TNR: variants seen among roughly 807,000 people sequenced by gnomAD.
TNR encodes tenascin R.
TNR carries 45 observed loss-of-function variants against 150.4 expected under a neutral mutation model. That is an observed-to-expected ratio of 0.30 (90% CI 0.24 to 0.38). The LOEUF is 0.38. Among genes scored for constraint, TNR ranks in the 10% least tolerant of loss-of-function variants. The probability of loss-of-function intolerance (pLI) is 1.00; values close to 1 mark genes in which losing one functional copy is unlikely to be tolerated. For synonymous variants in TNR, 687 were observed against 678.4 expected (o/e 1.01, Z -0.20); for missense variants, 1,544 against 1,759.1 (o/e 0.88, Z 2.19).
At chr1:175,568,119 C>T (rs1024480497) in intron 1 of TNR, among the ~76,000 whole-genome samples, 1 of 152,318 alleles carries the variant, frequency 6.6e-6, no homozygotes, top group East Asian at 1.9e-4. Flanking sequence ...CAAGCCCAAG[C>T]CTCTGTGGTC....
At chr1:175,582,206 G>GC (rs1662374226) in intron 1 of TNR, among the ~76,000 whole-genome samples, 2 of 152,148 alleles carry the variant, frequency 1.3e-5, no homozygotes, top group South Asian at 4.2e-4. Flanking sequence ...GAAGCTAATT[G>GC]CCCCAGGGCA....
chr1:175,386,591 TG>T (rs1484470679), intron 7 of TNR, among the ~76,000 whole-genome samples: 4 of 152,122 alleles, frequency 2.6e-5, no homozygotes, highest in African/African-American at 9.7e-5. Context: ...CTTGCTGGCT[TG>T]AAAGAGTCAG....
At chr1:175,399,153 C>T (rs1041508759) in intron 4 of TNR, among the ~76,000 whole-genome samples, 4 of 152,164 alleles carry the variant, frequency 2.6e-5, no homozygotes, top group African/African-American at 9.7e-5. Flanking sequence ...GCTCATCCTA[C>T]AGGTAAGAAA....
chr1:175,468,762 G>T (rs1657145592), intron 2 of TNR, among the ~76,000 whole-genome samples: 1 of 152,182 alleles, frequency 6.6e-6, no homozygotes, highest in African/African-American at 2.4e-5. Flanking sequence ...CTTCAGTGTG[G>T]CTGGAGCCTG....
chr1:175,384,869 GT>G (rs1429666993), intron 8 of TNR, among the ~76,000 whole-genome samples: 1 of 152,196 alleles, frequency 6.6e-6, no homozygotes, highest in East Asian at 1.9e-4. Flanking sequence ...ACATTTTGGT[GT>G]CCATCTGTTT....
intron 1 of TNR, among the ~76,000 whole-genome samples, chr1:175,549,844 A>C (rs79541623): frequency 0.092 from 13,994 of 152,262 alleles, 872 homozygotes; most frequent in Admixed American, 0.15. Flanking sequence ...TCAAGCTTTC[A>C]CATGAGGGTG....
Position 175,740,805 on chromosome 1 carries a change from A to G in TNR, c.-165+2421T>C, listed in dbSNP as rs547514674. Among the ~76,000 whole-genome samples the G allele has an allele frequency of 8.5e-5, 13 of 152,300 alleles. No homozygotes were observed. In the East Asian group the frequency reaches 1.5e-3, roughly 18 times the overall value. On this transcript the variant is annotated intron_variant, in intron 1 of 22. Coordinates refer to ENST00000367674, the MANE Select transcript of TNR (RefSeq NM_003285.3). ...CACATTCAGAGCCACAGAGGACTCAATGAAGGTGGTCCCAGAAAAACGTTC... is the reference window on the plus strand; with the variant it reads ...CACATTCAGAGCCACAGAGGACTCAGTGAAGGTGGTCCCAGAAAAACGTTC...
chr1:175,506,850 T>A (rs1452319969), intron 2 of TNR, among the ~76,000 whole-genome samples: 1 of 152,230 alleles, frequency 6.6e-6, no homozygotes, highest in Admixed American at 6.5e-5. Flanking sequence ...AGGCACCCAC[T>A]CTGGGCCAGG....
chr1:175,707,477 T>A (rs1666872620), intron 1 of TNR, among the ~76,000 whole-genome samples: 1 of 152,190 alleles, frequency 6.6e-6, no homozygotes, highest in Non-Finnish European at 1.5e-5. Flanking sequence ...GTTCAGACCG[T>A]GGTATGAAAT....
At chr1:175,718,305 T>C (rs552442694) in intron 1 of TNR, among the ~76,000 whole-genome samples, 125 of 152,254 alleles carry the variant, frequency 8.2e-4, no homozygotes, top group African/African-American at 3.0e-3. Context: ...CAGCCTTCAC[T>C]CTCATTTAAA....
chr1:175,390,149 TC>T, intron 7 of TNR, among the ~76,000 whole-genome samples: 1 of 152,228 alleles, frequency 6.6e-6, no homozygotes, highest in Non-Finnish European at 1.5e-5. Context: ...ACCAACGTTT[TC>T]TAAACTGAGC....
intron 2 of TNR, among the ~76,000 whole-genome samples, chr1:175,423,609 G>T (rs1195257847): frequency 6.6e-6 from 1 of 152,108 alleles, no homozygotes; most frequent in African/African-American, 2.4e-5. Flanking sequence ...TGTGTTGTGT[G>T]GTCCCTGAAA....
intron 2 of TNR, among the ~76,000 whole-genome samples, chr1:175,505,734 A>G: frequency 6.6e-6 from 1 of 152,194 alleles, no homozygotes; most frequent in East Asian, 1.9e-4. Flanking sequence ...ATTGTTATGA[A>G]GAACATATAA....
chr1:175,370,338 C>CTTTGTTTTTTTTT (rs1652040169), intron 9 of TNR, among the ~76,000 whole-genome samples: 1 of 42,926 alleles, frequency 2.3e-5, no homozygotes, highest in African/African-American at 8.5e-5. Context: ...ATTTTGAGTA[C>CTTTGTTTTTTTTT]TTTTTTTTTT....
chr1:175,499,160 T>C (rs1342485654), intron 2 of TNR, among the ~76,000 whole-genome samples: 1 of 152,228 alleles, frequency 6.6e-6, no homozygotes, highest in African/African-American at 2.4e-5. Flanking sequence ...TTGTCAGCTC[T>C]TCCTTTCCAA....
At chr1:175,471,341 T>C (rs1400921101) in intron 2 of TNR, among the ~76,000 whole-genome samples, 4 of 152,210 alleles carry the variant, frequency 2.6e-5, no homozygotes, top group Non-Finnish European at 5.9e-5. Flanking sequence ...ACCTGGAGGA[T>C]TAGTGCTAAG....
intron 8 of TNR, 117 bp from the exon 9 acceptor site, chr1:175,379,854 C>T: frequency 5.9e-6 from 7 of 1,192,760 alleles, no homozygotes; most frequent in Non-Finnish European, 8.2e-6. Flanking sequence ...CCCTCTGGCT[C>T]ACATTTGAAT....
At chr1:175,522,665 T>C (rs1659687423) in intron 2 of TNR, among the ~76,000 whole-genome samples, 1 of 152,112 alleles carries the variant, frequency 6.6e-6, no homozygotes, top group Non-Finnish European at 1.5e-5. Flanking sequence ...AAAAAAAGAA[T>C]CATTTGGTTT....
chr1:175,545,923 G>C (rs1411373971), intron 1 of TNR, among the ~76,000 whole-genome samples: 1 of 152,176 alleles, frequency 6.6e-6, no homozygotes, highest in African/African-American at 2.4e-5. Context: ...CATTACAGAT[G>C]AGGGATGTGG....
Sources: gnomAD v4.1 joint callset for allele counts (sites outside exome capture counted in the v4.1 genomes callset) on GRCh38, gnomAD v4.1.1 for gene constraint, MANE v1.5 for transcripts, NCBI Gene and HGNC (gene_info 2026-07-23, HGNC 2026-07-21) for gene names.